Variants in TMEM143 observed in about 807,000 individuals in gnomAD.
The protein encoded by TMEM143 is transmembrane protein 143.
A neutral mutation model predicts 40.3 loss-of-function variants in TMEM143; 45 were observed. The observed-to-expected ratio is 1.12, with a 90% confidence interval of 0.88 to 1.43. The LOEUF (loss-of-function observed/expected upper bound fraction) is 1.43. TMEM143 is among the 40% of genes most tolerant of loss of function. The pLI is 0.00. For missense variants in TMEM143, 620 were observed against 613.4 expected (o/e 1.01, Z -0.11); for synonymous variants, 299 against 282.7 (o/e 1.06, Z -0.58).
Position 48,363,445 on chromosome 19 carries a change from A to G in TMEM143, c.110T>C (p.Leu37Pro). The G allele has an allele frequency of 6.2e-7, 1 of 1,613,912 alleles. No homozygotes were observed. Among genetic ancestry groups the G allele is most frequent in the Non-Finnish European group, 8.5e-7 (1 of 1,179,970 alleles). The change falls in exon 2 of 8, where the codon CTC (leucine) becomes CCC (proline). Residue 37 changes from leucine (L) to proline (P), a missense_variant. Coordinates refer to ENST00000293261, the MANE Select transcript of TMEM143 (RefSeq NM_018273.4). Reference sequence around the variant, plus strand: ...TGAGAGGGCCCGGGGGGGCCCGAGGAGCGCGGGCAACAGTGGCCATACTCG... The same window carrying G: ...TGAGAGGGCCCGGGGGGGCCCGAGGGGCGCGGGCAACAGTGGCCATACTCG... ...RVRVWPLLPA[L>P]LGPPRALSSL... is the part of the protein sequence containing the mutation.
At chr19:48,353,966 CTTTTTT>C (rs1000999847) in intron 3 of TMEM143, among the ~76,000 whole-genome samples, 1 of 149,592 alleles carries the variant, frequency 6.7e-6, no homozygotes, top group African/African-American at 2.5e-5. Flanking sequence ...CATTTCACTT[CTTTTTT>C]TTTTGAGACA....
chr19:48,335,959 G>A (rs1437526311), intron 6 of TMEM143, among the ~76,000 whole-genome samples: 1 of 152,152 alleles, frequency 6.6e-6, no homozygotes, highest in East Asian at 1.9e-4. Context: ...GGGAAGAACA[G>A]GTCTGGGCCC....
At chr19:48,337,166 C>T (rs1969389897) in intron 6 of TMEM143, among the ~76,000 whole-genome samples, 1 of 152,216 alleles carries the variant, frequency 6.6e-6, no homozygotes, top group African/African-American at 2.4e-5. Flanking sequence ...TACCGGCTGC[C>T]CCTGGTAAGA....
chr19:48,349,997 A>ATT (rs71181679), intron 3 of TMEM143, among the ~76,000 whole-genome samples: 3,083 of 109,002 alleles, frequency 0.028, 172 homozygotes, highest in Middle Eastern at 0.11. Context: ...TCTACATTTA[A>ATT]TTTTTTTTTT....
At chr19:48,334,723 G>A (rs1969330009) in intron 6 of TMEM143, among the ~76,000 whole-genome samples, 1 of 151,682 alleles carries the variant, frequency 6.6e-6, no homozygotes, top group Non-Finnish European at 1.5e-5. Flanking sequence ...CTCCTAAGTA[G>A]CTGGGACTAC....
chr19:48,358,458 G>T (rs778226516), intron 3 of TMEM143, among the ~76,000 whole-genome samples: 9 of 151,138 alleles, frequency 6.0e-5, no homozygotes, highest in Non-Finnish European at 1.2e-4. Flanking sequence ...GTCCAAAACT[G>T]AGCTCTCAGT....
At chr19:48,355,801 ACCTGGGG>A (rs1969877109) in intron 3 of TMEM143, among the ~76,000 whole-genome samples, 2 of 152,284 alleles carry the variant, frequency 1.3e-5, no homozygotes, top group South Asian at 4.1e-4. Flanking sequence ...GTCTTGGTTT[ACCTGGGG>A]CCTGGGGCCA....
chr19:48,350,750 C>T lies in TMEM143; in HGVS notation c.370-5396G>A, dbSNP rs1042308150. On this transcript the variant is annotated intron_variant, in intron 3 of 7. Transcript: ENST00000293261. ...CAGCCTGGCCAACATGGTGAAACCC[C>T]GTCTCTACTGAAAATACAAAAATTA... Among the ~76,000 whole-genome samples, 61 of 151,694 alleles carry T rather than the reference C, an allele frequency of 4.0e-4. 6 individuals carry two copies. The highest frequency in any genetic ancestry group is 5.9e-5 in the Non-Finnish European group (4 of 67,894).
Position 48,333,873 on chromosome 19 carries a change from T to C in TMEM143, c.1165+135A>G. 1.1e-6 allele frequency: 1 copy of C among 939,144 alleles called. No individual in the cohort carries two copies. Among genetic ancestry groups the C allele is most frequent in the Non-Finnish European group, 1.5e-6 (1 of 648,622 alleles). The allele number at this position is 939,144 out of a possible 1,614,324, so 58.2% of individuals were successfully genotyped here. ...TCGGAGTCTGGATTCGGAGGTCCTG[T>C]CTGCTGAGGGCCGGGGTCTCTTCGC... On this transcript the variant is annotated intron_variant, in intron 7 of 7. Transcript: ENST00000293261. This position sits in a 1 kb window ranked among gnomAD's most constrained non-coding sequence, Gnocchi z 4.1.
intron 3 of TMEM143, among the ~76,000 whole-genome samples, chr19:48,357,879 A>C (rs1054557094): frequency 2.0e-5 from 3 of 147,596 alleles, no homozygotes; most frequent in African/African-American, 7.4e-5. Context: ...TAAGTAAGCT[A>C]TGAGGGTGCG....
rs1392174217 is a variant in TMEM143 at position 48,334,466 on chromosome 19, C to A, written c.976-269G>T. Among the ~76,000 whole-genome samples, 4 of 44,894 alleles carry A rather than the reference C, an allele frequency of 8.9e-5. No individual in the cohort carries two copies. In the South Asian group the frequency reaches 2.0e-3, roughly 22 times the overall value. 29.5% of individuals were successfully genotyped at this position (44,894 alleles called of 152,430 possible). On this transcript the variant is annotated intron_variant, in intron 6 of 7. Transcript: ENST00000293261. ...TCTTTCTTTCTTTCTTTCTTTCTTT[C>A]TTTCTTTCTTTCTTTTTCTTTCTTT...
At chr19:48,342,249 G>A (rs1166471242) in intron 6 of TMEM143, among the ~76,000 whole-genome samples, 6 of 143,800 alleles carry the variant, frequency 4.2e-5, no homozygotes, top group African/African-American at 7.8e-5. Context: ...AGGAAGGGGA[G>A]GAGAGAGAGG....
chr19:48,358,532 C>T (rs1051208475), intron 3 of TMEM143, among the ~76,000 whole-genome samples: 2 of 152,108 alleles, frequency 1.3e-5, no homozygotes, highest in Non-Finnish European at 2.9e-5. Context: ...ATGGCAGCTC[C>T]ATCCTCCAGG....
At position 48,334,180 on chromosome 19, in the gene TMEM143, G is replaced by C. The variant is rs374164587; in HGVS notation, c.993C>G (p.Arg331=). 39 of 1,604,092 alleles carry C rather than the reference G, an allele frequency of 2.4e-5. No individual in the cohort carries two copies. Among genetic ancestry groups the C allele is most frequent in the Non-Finnish European group, 3.3e-5 (39 of 1,176,090 alleles). ...GCGCCAGCTCCAACGCCTGCGCGCT[G>C]CGCCGCTGCCCGAACATCTGCAGGC... is the stretch of plus-strand genomic sequence containing the variant. ...LRASKMFGQR[R]SAQALELAHM... The change falls in exon 7 of 8, where the codon CGC becomes CGG. Residue 331 remains arginine, a synonymous_variant. Transcript: ENST00000293261.
chr19:48,361,535 CTT>C (rs59788731), intron 2 of TMEM143, among the ~76,000 whole-genome samples: 1 of 138,356 alleles, frequency 7.2e-6, no homozygotes. Context: ...ACTTCTTCTT[CTT>C]TTTTTTTTTT....
chr19:48,348,212 A>G (rs1416110087), intron 3 of TMEM143, among the ~76,000 whole-genome samples: 3 of 152,144 alleles, frequency 2.0e-5, no homozygotes, highest in African/African-American at 7.2e-5. Context: ...AGAAATCTGC[A>G]TTGATCAAAT....
rs533761954 is a variant in TMEM143, at chr19:48,334,527, CTTTCT to C, written c.976-335_976-331del. Among the ~76,000 whole-genome samples the C allele has an allele frequency of 2.6e-4, 34 of 131,728 alleles. No homozygotes were observed. In the South Asian group the frequency reaches 4.6e-3, roughly 18 times the overall value. 86.4% of individuals were successfully genotyped at this position (131,728 alleles called of 152,430 possible). A position where few individuals can be genotyped will look rare whatever the true frequency, so the allele number is the denominator to read the frequency against. On this transcript the variant is annotated intron_variant, in intron 6 of 7. Coordinates refer to ENST00000293261, the MANE Select transcript of TMEM143 (RefSeq NM_018273.4). ...TTCTTTCTTTTCTTTCTTTCTCTTT[CTTTCT>C]TTTCTTTTCTTTCTTTCTTTTTCTT... is the stretch of plus-strand genomic sequence containing the variant.
intron 3 of TMEM143, among the ~76,000 whole-genome samples, chr19:48,350,051 AG>A (rs1969729207): frequency 7.9e-6 from 1 of 127,190 alleles, no homozygotes; most frequent in South Asian, 2.6e-4. Context: ...CCCAGGCTGG[AG>A]TGCAATGGCG....
At chr19:48,343,067 T>G in intron 5 of TMEM143, 2 of 670,048 alleles carry the variant, frequency 3.0e-6, no homozygotes, top group East Asian at 2.8e-5. Context: ...AATGTGGACC[T>G]CCCTCTCCGA....
Sources: allele counts gnomAD v4.1 joint callset (sites outside exome capture counted in the v4.1 genomes callset), GRCh38; gene constraint gnomAD v4.1.1; non-coding constraint Gnocchi (gnomAD v3.1); transcripts MANE v1.5; gene names NCBI Gene and HGNC (gene_info 2026-07-23, HGNC 2026-07-21).